WDR36: variants seen among roughly 807,000 people sequenced by gnomAD.
WDR36 encodes the protein WD repeat-containing protein 36.
A neutral mutation model predicts 112.7 loss-of-function variants in WDR36; 63 were observed. That is an observed-to-expected ratio of 0.56 (90% confidence interval 0.46 to 0.69). The LOEUF (loss-of-function observed/expected upper bound fraction) is 0.69, where lower values mean the gene tolerates loss of function less well. Among genes scored for constraint, WDR36 ranks in the 30% least tolerant of loss-of-function variants. The pLI is 0.00. For missense variants in WDR36, 1,226 were observed against 1,070.3 expected (o/e 1.15, Z -2.03); for synonymous variants, 410 against 362.2 (o/e 1.13, Z -1.50).
rs757864774 is a variant in WDR36, at chr5:111,118,994, A to G, written c.1797-19A>G. On this transcript the variant is annotated intron_variant, in intron 16 of 22. Transcript: ENST00000513710. ...TTGGTAGAGTTCAAATACTTTTAAC[A>G]TGTTAATTATTTCTGTAGCCTTATA... is the stretch of plus-strand genomic sequence containing the variant. 1.9e-6 allele frequency: 3 copies of G among 1,585,716 alleles called. No homozygotes were observed. Among genetic ancestry groups the G allele is most frequent in the Non-Finnish European group, 2.6e-6 (3 of 1,154,586 alleles).
Position 111,103,937 on chromosome 5 carries a change from A to T in WDR36, c.730+19A>T. 2 of 1,609,936 alleles carry T rather than the reference A, an allele frequency of 1.2e-6. No homozygotes were observed. Among genetic ancestry groups the T allele is most frequent in the Non-Finnish European group, 1.7e-6 (2 of 1,177,768 alleles). ...CGCACAGGTAACTTTTAACATACTT[A>T]TTGATAGGAGTTAAGAACACTTAAA... On this transcript the variant is annotated intron_variant, in intron 7 of 22. Transcript: ENST00000513710.
At position 111,110,276 on chromosome 5, in the gene WDR36, C is replaced by T; in HGVS notation, c.1414C>T (p.His472Tyr). 6.2e-7 allele frequency: 1 copy of T among 1,610,758 alleles called. No homozygotes were observed. Among genetic ancestry groups the T allele is most frequent in the Non-Finnish European group, 8.5e-7 (1 of 1,177,550 alleles). Residue 472 changes from histidine (H) to tyrosine (Y), a missense_variant, in exon 13 of 23, where the codon CAT becomes TAT. Physicochemically the swap from His to Tyr is moderately conservative, Grantham distance 83. Coordinates refer to ENST00000513710, the MANE Select transcript of WDR36 (RefSeq NM_139281.3). ...VDVYNMQSGI[H>Y]RGSFGKDQAH... is the part of the protein sequence containing the mutation. ...TGTATATAACATGCAGTCTGGCATACATCGAGGAAGTTTTGGCAAGGATCA... is the reference window on the plus strand; with the variant it reads ...TGTATATAACATGCAGTCTGGCATATATCGAGGAAGTTTTGGCAAGGATCA...
intron 21 of WDR36, 44 bp from the exon 22 acceptor site, chr5:111,125,564 A>T: frequency 6.4e-7 from 1 of 1,570,472 alleles, no homozygotes. Context: ...TTTCTAAGTT[A>T]AATGATTATA....
At chr5:111,104,612 C>T (rs540356916) in intron 8 of WDR36, 85 bp from the exon 9 acceptor site, 11 of 1,596,446 alleles carry the variant, frequency 6.9e-6, no homozygotes, top group East Asian at 6.7e-5. Context: ...TACTCAATAC[C>T]AGTTGATTTA....
At chr5:111,111,085 A>G in intron 14 of WDR36, 85 bp from the exon 15 acceptor site, 2 of 1,550,354 alleles carry the variant, frequency 1.3e-6, no homozygotes, top group South Asian at 1.1e-5. Flanking sequence ...CCCAAAGTGT[A>G]CTTGATTTAA....
At position 111,127,405 on chromosome 5, in the gene WDR36, T is replaced by G. The variant is rs1190071936; in HGVS notation, c.*522T>G. ...AATGTCAGATAAAACTGATACATGATGTAGTTATAAAAATGCTGTTATGAA... is the reference window on the plus strand; with the variant it reads ...AATGTCAGATAAAACTGATACATGAGGTAGTTATAAAAATGCTGTTATGAA... On this transcript the variant is annotated 3_prime_UTR_variant, in exon 23 of 23. Coordinates refer to ENST00000513710, the MANE Select transcript of WDR36 (RefSeq NM_139281.3). 5 of 200,648 alleles carry G rather than the reference T, an allele frequency of 2.5e-5. No homozygotes were observed. The highest frequency in any genetic ancestry group is 5.1e-5 in the Non-Finnish European group (5 of 97,348). The allele number at this position is 200,648 out of a possible 1,614,324, so 12.4% of individuals were successfully genotyped here.
At chr5:111,117,651 G>C (rs1262054150) in intron 16 of WDR36, among the ~76,000 whole-genome samples, 1 of 152,140 alleles carries the variant, frequency 6.6e-6, no homozygotes, top group Non-Finnish European at 1.5e-5. Flanking sequence ...CGCCTTAATA[G>C]GGTTTGTGAA....
In WDR36 at chr5:111,110,309, G is replaced by T. The variant is rs761955353; in HGVS notation, c.1441+6G>T. 1.2e-6 allele frequency: 2 copies of T among 1,603,256 alleles called. No homozygotes were observed. The highest frequency in any genetic ancestry group is 1.1e-5 in the South Asian group (1 of 90,858). On this transcript the variant is annotated splice_donor_region_variant and intron_variant, in intron 13 of 22. Transcript: ENST00000513710. ...AAGTTTTGGCAAGGATCAAGGTAGAGAATTTTTTTCCTTGTTTTTTATTAA... is the reference window on the plus strand; with the variant it reads ...AAGTTTTGGCAAGGATCAAGGTAGATAATTTTTTTCCTTGTTTTTTATTAA...
intron 3 of WDR36, 99 bp downstream of exon 3, chr5:111,097,278 A>G: frequency 1.2e-6 from 1 of 849,222 alleles, no homozygotes; most frequent in East Asian, 2.5e-5. Flanking sequence ...CACACTCTGG[A>G]ACTATACAGT....
intron 7 of WDR36, 80 bp downstream of exon 7, chr5:111,103,998 T>C: frequency 6.4e-7 from 1 of 1,558,190 alleles, no homozygotes; most frequent in Non-Finnish European, 8.8e-7. Flanking sequence ...TTTTGTCTTC[T>C]GGTAGCTTAA....
At chr5:111,123,343 T>C (rs1753608382) in intron 19 of WDR36, among the ~76,000 whole-genome samples, 1 of 152,180 alleles carries the variant, frequency 6.6e-6, no homozygotes, top group South Asian at 2.1e-4. Context: ...TCAAATTACT[T>C]ATAATGTCAG....
At chr5:111,120,206 C>A (rs1176938544) in intron 17 of WDR36, among the ~76,000 whole-genome samples, 1 of 152,008 alleles carries the variant, frequency 6.6e-6, no homozygotes, top group Admixed American at 6.6e-5. Context: ...TGATATATGT[C>A]AAAACAATAT....
At position 111,127,748 on chromosome 5, in the gene WDR36, G is replaced by A. The variant is rs1056554895; in HGVS notation, c.*865G>A. 5 of 210,282 alleles carry A rather than the reference G, an allele frequency of 2.4e-5. No homozygotes were observed. The highest frequency in any genetic ancestry group is 1.1e-4 in the African/African-American group (5 of 44,066). 13.0% of individuals were successfully genotyped at this position (210,282 alleles called of 1,614,324 possible). A position where few individuals can be genotyped will look rare whatever the true frequency, so the allele number is the denominator to read the frequency against. On this transcript the variant is annotated 3_prime_UTR_variant, in exon 23 of 23. Transcript: ENST00000513710. ...GGTAAGGGAAATTCCAAATTCCATT[G>A]GAAGATGGCCTTTTACTGACACTGC...
intron 19 of WDR36, 122 bp from the exon 20 acceptor site, chr5:111,123,683 T>A (rs977682291): frequency 3.1e-6 from 4 of 1,282,558 alleles, no homozygotes; most frequent in Non-Finnish European, 4.3e-6. Flanking sequence ...AACATTCTTA[T>A]GTGAAAGAGT....
intron 1 of WDR36, among the ~76,000 whole-genome samples, chr5:111,093,246 A>G (rs1003449269): frequency 1.3e-5 from 2 of 152,222 alleles, no homozygotes; most frequent in Non-Finnish European, 2.9e-5. Context: ...TTTTTCTCCT[A>G]TAACAGTTCA....
At chr5:111,106,412 C>T (rs111428139) in intron 11 of WDR36, among the ~76,000 whole-genome samples, 9 of 151,332 alleles carry the variant, frequency 5.9e-5, no homozygotes, top group African/African-American at 2.2e-4. Context: ...TGTCATATGC[C>T]TGGTATAATG....
At position 111,129,588 on chromosome 5, in the gene WDR36, A is replaced by C. The variant is rs1229814409; in HGVS notation, c.*2705A>C. On this transcript the variant is annotated 3_prime_UTR_variant, in exon 23 of 23. Coordinates refer to ENST00000513710, the MANE Select transcript of WDR36 (RefSeq NM_139281.3). ...TGTCCTTTTATCTCATGGATTTGTTAGGAGTTCTCTTGTATTTTCTGTATT... is the reference window on the plus strand; with the variant it reads ...TGTCCTTTTATCTCATGGATTTGTTCGGAGTTCTCTTGTATTTTCTGTATT... 4.9e-6 allele frequency: 1 copy of C among 204,442 alleles called. No individual in the cohort carries two copies. Among genetic ancestry groups the C allele is most frequent in the East Asian group, 7.6e-5 (1 of 13,240 alleles). 12.7% of individuals were successfully genotyped at this position (204,442 alleles called of 1,614,324 possible). A position where few individuals can be genotyped will look rare whatever the true frequency, so the allele number is the denominator to read the frequency against.
At chr5:111,110,046 T>A in intron 12 of WDR36, 143 bp from the exon 13 acceptor site, 1 of 660,698 alleles carries the variant, frequency 1.5e-6, no homozygotes, top group Non-Finnish European at 2.7e-6. Flanking sequence ...AATTACTTTA[T>A]GTTAAAAAAA....
intron 16 of WDR36, among the ~76,000 whole-genome samples, chr5:111,117,230 C>T (rs907683632): frequency 1.3e-5 from 2 of 152,168 alleles, no homozygotes; most frequent in African/African-American, 4.8e-5. Context: ...AGTCCTTTTC[C>T]TGAACACACT....
Sources: allele counts gnomAD v4.1 joint callset (sites outside exome capture counted in the v4.1 genomes callset), GRCh38; gene constraint gnomAD v4.1.1; transcripts MANE v1.5; gene names NCBI Gene and HGNC (gene_info 2026-07-23, HGNC 2026-07-21).